The following PCDHA7 variants were observed in gnomAD, a reference collection of about 807,000 sequenced individuals.
The protein encoded by PCDHA7 is protocadherin alpha-7.
Under a neutral mutation model 57.2 loss-of-function variants are expected in PCDHA7, and 37 were observed. That is an observed-to-expected ratio of 0.65 (90% CI 0.50 to 0.85). The LOEUF (loss-of-function observed/expected upper bound fraction) is 0.85. PCDHA7 is among the 40% of genes least tolerant of loss of function. The probability of loss-of-function intolerance (pLI) is 0.00; values close to 1 mark genes in which losing one functional copy is unlikely to be tolerated. For synonymous variants in PCDHA7, 553 were observed against 558.8 expected (o/e 0.99, Z 0.15); for missense variants, 1,188 against 1,241.8 (o/e 0.96, Z 0.65).
chr5:140,843,697 T>G, intron 1 of PCDHA7: 1 of 1,583,576 alleles, frequency 6.3e-7, no homozygotes, highest in Non-Finnish European at 8.7e-7. Flanking sequence ...AAGATTTAAA[T>G]GTTGATCATG....
intron 1 of PCDHA7, among the ~76,000 whole-genome samples, chr5:140,917,083 T>C (rs2077876290): frequency 6.6e-6 from 1 of 152,078 alleles, no homozygotes; most frequent in South Asian, 2.1e-4. Flanking sequence ...TAATGTAAAG[T>C]TCCCCAGTTG....
At chr5:140,860,679 T>A (rs1465789150) in intron 1 of PCDHA7, 1 of 152,238 alleles carries the variant, frequency 6.6e-6, no homozygotes, top group Non-Finnish European at 1.5e-5. Flanking sequence ...AATGCACTTA[T>A]GTTTTGAGCG....
chr5:140,866,321 C>A (rs1282592787), intron 1 of PCDHA7: 1 of 152,000 alleles, frequency 6.6e-6, no homozygotes, highest in Non-Finnish European at 1.5e-5. Flanking sequence ...TTTCAGGGAC[C>A]CTGAACTTGG....
chr5:140,967,030 C>T, intron 1 of PCDHA7: 1 of 1,609,320 alleles, frequency 6.2e-7, no homozygotes, highest in Non-Finnish European at 8.5e-7. Flanking sequence ...CCAGTCCGCG[C>T]TACCTGGAGC....
intron 1 of PCDHA7, chr5:140,928,422 A>T (rs782264875): frequency 1.2e-6 from 2 of 1,614,136 alleles, no homozygotes; most frequent in Admixed American, 3.3e-5. Context: ...TCACTGCCAA[A>T]ACTTCCTTTG....
chr5:140,977,925 A>T (rs782072280), intron 1 of PCDHA7, among the ~76,000 whole-genome samples: 4 of 152,152 alleles, frequency 2.6e-5, no homozygotes, highest in African/African-American at 7.2e-5. Context: ...TTTTCATTCA[A>T]CTATACCTCA....
At chr5:140,997,762 A>G (rs2097784598) in intron 3 of PCDHA7, among the ~76,000 whole-genome samples, 1 of 152,118 alleles carries the variant, frequency 6.6e-6, no homozygotes, top group Non-Finnish European at 1.5e-5. Context: ...GAGTAAGGAT[A>G]TAGCACTATG....
chr5:140,967,769 G>A (rs1213232834), intron 1 of PCDHA7: 1 of 1,614,104 alleles, frequency 6.2e-7, no homozygotes, highest in Non-Finnish European at 8.5e-7. Flanking sequence ...CCAGATCTAT[G>A]TGCAGGCGAC....
intron 1 of PCDHA7, among the ~76,000 whole-genome samples, chr5:140,970,348 T>A (rs2096398928): frequency 6.6e-6 from 1 of 152,186 alleles, no homozygotes; most frequent in Admixed American, 6.5e-5. Context: ...ATTTTCTGGA[T>A]CTAAAATTTG....
intron 1 of PCDHA7, chr5:140,969,209 A>G (rs1586360550): frequency 1.2e-6 from 2 of 1,614,194 alleles, no homozygotes; most frequent in Non-Finnish European, 1.7e-6. Context: ...AGGGGCCCAG[A>G]CAGGACCAGG....
At chr5:140,863,422 G>A (rs782158453) in intron 1 of PCDHA7, 1 of 689,156 alleles carries the variant, frequency 1.5e-6, no homozygotes, top group South Asian at 1.3e-5. Flanking sequence ...GTACCGCAGC[G>A]TAGTGGGATC....
chr5:140,858,108 C>T (rs781859966), intron 1 of PCDHA7: 1 of 1,597,706 alleles, frequency 6.3e-7, no homozygotes, highest in South Asian at 1.1e-5. Context: ...GGCGTGGCGC[C>T]CGAGGTGGCC....
intron 1 of PCDHA7, among the ~76,000 whole-genome samples, chr5:140,844,742 T>C (rs1779524927): frequency 1.3e-5 from 2 of 149,642 alleles, no homozygotes; most frequent in Admixed American, 6.7e-5. Context: ...TTTAGTATTA[T>C]GGGATAAATC....
chr5:140,966,645 C>T (rs369620766), intron 1 of PCDHA7: 7 of 1,125,658 alleles, frequency 6.2e-6, no homozygotes, highest in Non-Finnish European at 8.2e-6. Flanking sequence ...CTTTCTAGAG[C>T]GTGAGCGGTG....
chr5:140,907,111 C>T (rs1465808747), intron 1 of PCDHA7, among the ~76,000 whole-genome samples: 1 of 152,130 alleles, frequency 6.6e-6, no homozygotes, highest in African/African-American at 2.4e-5. Flanking sequence ...ACTTCCACCC[C>T]TTGATTCCTG....
At chr5:140,982,900 C>G (rs1443607900) in intron 3 of PCDHA7, among the ~76,000 whole-genome samples, 1 of 151,932 alleles carries the variant, frequency 6.6e-6, no homozygotes, top group African/African-American at 2.4e-5. Flanking sequence ...ATCTGGTGGC[C>G]TTATGCACAG....
intron 1 of PCDHA7, chr5:140,856,337 C>A (rs782782390): frequency 1.3e-6 from 2 of 1,598,382 alleles, no homozygotes; most frequent in Non-Finnish European, 1.7e-6. Flanking sequence ...GCTGTGCGGG[C>A]GGAGCGTGGA....
chr5:140,982,461 G>C lies in PCDHA7; in HGVS notation c.2415-14G>C, dbSNP rs765899879. Reference sequence around the variant, plus strand: ...TATGATCTAACCGTTATCTGGGTCTGTGTGTTTATTCAGCTCTGTGCACCT... The same window carrying C: ...TATGATCTAACCGTTATCTGGGTCTCTGTGTTTATTCAGCTCTGTGCACCT... On this transcript the variant is annotated splice_polypyrimidine_tract_variant and intron_variant, in intron 2 of 3. Coordinates refer to ENST00000525929, the MANE Select transcript of PCDHA7 (RefSeq NM_018910.3). 4.3e-6 allele frequency: 7 copies of C among 1,613,970 alleles called. No homozygotes were observed. The Admixed American group carries it at 6.7e-5, about 15-fold the overall frequency.
At chr5:140,915,137 C>T (rs2076999053) in intron 1 of PCDHA7, among the ~76,000 whole-genome samples, 3 of 151,800 alleles carry the variant, frequency 2.0e-5, no homozygotes, top group South Asian at 2.1e-4. Context: ...TTAGTAGAGA[C>T]GGGGTTTCAC....
Sources: gnomAD v4.1 joint callset for allele counts (sites outside exome capture counted in the v4.1 genomes callset) on GRCh38, gnomAD v4.1.1 for gene constraint, MANE v1.5 for transcripts, NCBI Gene and HGNC (gene_info 2026-07-23, HGNC 2026-07-21) for gene names.